PRKACB: variants seen among roughly 807,000 people sequenced by gnomAD.
PRKACB encodes the protein protein kinase cAMP-activated catalytic subunit beta.
Under a neutral mutation model 51.4 loss-of-function variants are expected in PRKACB, and 16 were observed. The observed-to-expected ratio is 0.31, with a 90% CI of 0.21 to 0.47. PRKACB has a LOEUF of 0.47. Ranked by LOEUF, PRKACB falls within the 20% of genes least tolerant of loss-of-function variation. PRKACB has a pLI of 1.00. For synonymous variants in PRKACB, 147 were observed against 154.4 expected, an observed-to-expected ratio of 0.95 and a Z score of 0.35; for missense variants, 309 against 464.5, an observed-to-expected ratio of 0.67 and a Z score of 3.08.
rs566127670 is a variant in PRKACB, at chr1:84,152,691, T to G, written c.187+8143T>G. ...GCAACTTCCTCACCACTCTTAGCCTTTATAGAATTGAAGAGTGTCAAGGCC... is the reference window on the plus strand; with the variant it reads ...GCAACTTCCTCACCACTCTTAGCCTGTATAGAATTGAAGAGTGTCAAGGCC... On this transcript the variant is annotated intron_variant, in intron 1 of 9. Coordinates refer to ENST00000370685, the MANE Select transcript of PRKACB (RefSeq NM_182948.4). Among the ~76,000 whole-genome samples, 13 of 152,280 alleles carry G rather than the reference T, an allele frequency of 8.5e-5. No individual in the cohort carries two copies. In the East Asian group the frequency reaches 1.4e-3, roughly 16 times the overall value.
At chr1:84,184,573 A>C (rs1256177581) in intron 4 of PRKACB, among the ~76,000 whole-genome samples, 2 of 151,876 alleles carry the variant, frequency 1.3e-5, no homozygotes. Context: ...TGTCTGAAAA[A>C]TTGTACCACA....
chr1:84,235,167 C>T lies in PRKACB; in HGVS notation c.1072-13C>T, dbSNP rs984453431. 1.3e-6 allele frequency: 2 copies of T among 1,581,162 alleles called. No homozygotes were observed. The highest frequency in any genetic ancestry group is 2.8e-5 in the African/African-American group (2 of 72,698). On this transcript the variant is annotated splice_polypyrimidine_tract_variant and intron_variant, in intron 9 of 9. Coordinates refer to ENST00000370685, the MANE Select transcript of PRKACB (RefSeq NM_182948.4). ...TTTCCTTTTTCTTATTTTTCTCTCC[C>T]TCTCAATTATAGGTTGAAGCTCCAT...
chr1:84,185,741 T>C (rs1664896356), intron 5 of PRKACB, among the ~76,000 whole-genome samples: 1 of 152,122 alleles, frequency 6.6e-6, no homozygotes. Flanking sequence ...AAATAGGTTA[T>C]AGAATCTGAT....
rs547913516 is a variant in PRKACB, at chr1:84,160,829, AT to A, written c.187+16283del. Among the ~76,000 whole-genome samples, 3 of 151,714 alleles carry A rather than the reference AT, an allele frequency of 2.0e-5. 1 individual carries two copies. The South Asian group carries it at 6.2e-4, about 31-fold the overall frequency. ...TTATTTATAACTTAATTCTGCTGTG[AT>A]TATAGAATATATTTTGAAAGCTTTG... On this transcript the variant is annotated intron_variant, in intron 1 of 9. Transcript: ENST00000370685.
At chr1:84,083,290 G>A (rs922617087) in intron 1 of PRKACB, among the ~76,000 whole-genome samples, 4 of 152,194 alleles carry the variant, frequency 2.6e-5, no homozygotes, top group Non-Finnish European at 5.9e-5. Flanking sequence ...ATGCAATTTT[G>A]ATGATAAATA....
chr1:84,224,565 G>C (rs1674260740), intron 9 of PRKACB, among the ~76,000 whole-genome samples: 1 of 152,216 alleles, frequency 6.6e-6, no homozygotes, highest in Non-Finnish European at 1.5e-5. Context: ...CCAGTAGTGG[G>C]TGGGGCAGGG....
intron 1 of PRKACB, among the ~76,000 whole-genome samples, chr1:84,126,397 C>T (rs1426588581): frequency 3.3e-5 from 5 of 152,096 alleles, no homozygotes; most frequent in African/African-American, 7.2e-5. Flanking sequence ...GGAGTTCAGC[C>T]GTCCCCTGTG....
At chr1:84,212,152 A>G (rs1021946650) in intron 8 of PRKACB, among the ~76,000 whole-genome samples, 5 of 152,228 alleles carry the variant, frequency 3.3e-5, no homozygotes, top group Admixed American at 2.6e-4. Context: ...ACCTCTGCAT[A>G]AAGTAGTGAA....
At chr1:84,119,643 C>T (rs559822883) in intron 1 of PRKACB, among the ~76,000 whole-genome samples, 1 of 152,082 alleles carries the variant, frequency 6.6e-6, no homozygotes, top group African/African-American at 2.4e-5. Context: ...TGACTTTCCA[C>T]AGCCCTAGTA....
intron 6 of PRKACB, among the ~76,000 whole-genome samples, chr1:84,196,963 C>T (rs1273140691): frequency 1.3e-5 from 2 of 152,082 alleles, no homozygotes; most frequent in African/African-American, 2.4e-5. Flanking sequence ...CTGAGTATAG[C>T]CTCTTGCATA....
chr1:84,194,194 A>T (rs1478164510), intron 5 of PRKACB, among the ~76,000 whole-genome samples: 1 of 152,158 alleles, frequency 6.6e-6, no homozygotes. Context: ...ACCACACCTG[A>T]ACCTGTTCTC....
chr1:84,177,031 A>T (rs556236938), intron 1 of PRKACB, among the ~76,000 whole-genome samples: 2 of 152,008 alleles, frequency 1.3e-5, no homozygotes, highest in African/African-American at 4.8e-5. Context: ...TCCACTTAGC[A>T]TAAAGTGACA....
intron 5 of PRKACB, among the ~76,000 whole-genome samples, chr1:84,194,262 C>T (rs1282206869): frequency 6.6e-6 from 1 of 152,184 alleles, no homozygotes; most frequent in African/African-American, 2.4e-5. Context: ...CAACTCCTCA[C>T]AGTCTTAGTA....
intron 1 of PRKACB, among the ~76,000 whole-genome samples, chr1:84,135,918 C>A (rs1652758026): frequency 6.6e-6 from 1 of 151,006 alleles, no homozygotes; most frequent in Admixed American, 6.6e-5. Flanking sequence ...AAAATTAGAG[C>A]AGAAATCATT....
At chr1:84,195,912 C>A (rs1296170513) in intron 5 of PRKACB, among the ~76,000 whole-genome samples, 8 of 135,118 alleles carry the variant, frequency 5.9e-5, no homozygotes, top group African/African-American at 1.6e-4. Flanking sequence ...GACTGTGTCT[C>A]AAAAAAAAAA....
At chr1:84,170,421 T>A (rs1659059946) in intron 1 of PRKACB, among the ~76,000 whole-genome samples, 1 of 151,690 alleles carries the variant, frequency 6.6e-6, no homozygotes, top group Non-Finnish European at 1.5e-5. Flanking sequence ...ATGCCTCTCC[T>A]GAGAATTTTT....
At chr1:84,167,284 A>G (rs998917328) in intron 1 of PRKACB, among the ~76,000 whole-genome samples, 3 of 151,510 alleles carry the variant, frequency 2.0e-5, no homozygotes, top group East Asian at 1.9e-4. Flanking sequence ...GTTACTCCCT[A>G]TTGCCTTTAA....
chr1:84,166,563 C>T (rs1414772206), intron 1 of PRKACB, among the ~76,000 whole-genome samples: 1 of 151,712 alleles, frequency 6.6e-6, no homozygotes, highest in African/African-American at 2.4e-5. Context: ...ATAGTAATCA[C>T]AACTAGGTGT....
chr1:84,227,216 C>T (rs1674760986), intron 9 of PRKACB, among the ~76,000 whole-genome samples: 2 of 151,976 alleles, frequency 1.3e-5, no homozygotes, highest in Non-Finnish European at 2.9e-5. Flanking sequence ...AACATAGAGT[C>T]ATCTTATATC....
Sources: gnomAD v4.1 joint callset for allele counts (sites outside exome capture counted in the v4.1 genomes callset) on GRCh38, gnomAD v4.1.1 for gene constraint, MANE v1.5 for transcripts, NCBI Gene and HGNC (gene_info 2026-07-23, HGNC 2026-07-21) for gene names.